Variants in MAP3K15 observed in about 807,000 individuals in gnomAD.
The protein encoded by MAP3K15 is MAPK/ERK kinase kinase 15.
Under a neutral mutation model 99.5 loss-of-function variants are expected in MAP3K15, and 124 were observed. That is an observed-to-expected ratio of 1.25 (90% confidence interval 1.08 to 1.45). The LOEUF (loss-of-function observed/expected upper bound fraction) is 1.45. Ranked by LOEUF, MAP3K15 falls within the 40% of genes most tolerant of loss-of-function variation. The pLI is 0.00. For synonymous variants in MAP3K15, 494 were observed against 439.6 expected, an observed-to-expected ratio of 1.12 and a Z score of -1.55; for missense variants, 1,242 against 1,079.7, an observed-to-expected ratio of 1.15 and a Z score of -2.11.
intron 6 of MAP3K15, among the ~76,000 whole-genome samples, chrX:19,442,155 C>T (rs2063963830): frequency 9.0e-6 from 1 of 111,207 alleles, no homozygotes; most frequent in Admixed American, 9.6e-5. Context: ...CCTTTTTTAG[C>T]AGACACCAGG....
intron 3 of MAP3K15, among the ~76,000 whole-genome samples, chrX:19,473,147 A>G (rs944417435): frequency 2.7e-5 from 3 of 112,237 alleles, no homozygotes; most frequent in African/African-American, 9.7e-5. Flanking sequence ...AACAGGACTG[A>G]GGAGACAGCA....
chrX:19,394,585 T>G (rs902145203), intron 16 of MAP3K15, among the ~76,000 whole-genome samples: 3 of 110,980 alleles, frequency 2.7e-5, no homozygotes, highest in Non-Finnish European at 3.8e-5. Flanking sequence ...ACTTTTAACA[T>G]CTATGTTCCC....
intron 9 of MAP3K15, among the ~76,000 whole-genome samples, chrX:19,424,330 A>G (rs1210633629): frequency 1.8e-5 from 2 of 108,181 alleles, no homozygotes; most frequent in Non-Finnish European, 3.8e-5. Flanking sequence ...ATATATATAT[A>G]TATTTTTTTA....
intron 19 of MAP3K15, 124 bp from the exon 20 acceptor site, chrX:19,374,784 G>GCAACGTCACGTTCTTGTTC: frequency 1.7e-6 from 1 of 574,300 alleles, no homozygotes; most frequent in Non-Finnish European, 2.7e-6. Context: ...ATGCCCCCTT[G>GCAACGTCACGTTCTTGTTC]CAACGTCACG....
At chrX:19,377,535 C>T (rs1011665393) in intron 19 of MAP3K15, among the ~76,000 whole-genome samples, 3 of 109,956 alleles carry the variant, frequency 2.7e-5, no homozygotes, top group Non-Finnish European at 5.7e-5. Flanking sequence ...CAGAGTGAGA[C>T]TCTGTCAAAA....
In MAP3K15 at chrX:19,451,008, G is replaced by A. The variant is rs559526102; in HGVS notation, c.995+5905C>T. Among the ~76,000 whole-genome samples the A allele has an allele frequency of 2.7e-4, 30 of 109,195 alleles. 1 individual carries two copies. The highest frequency in any genetic ancestry group is 7.7e-4 in the Admixed American group (8 of 10,348). The allele number at this position is 109,195 out of a possible 115,157, so 94.8% of individuals were successfully genotyped here. On this transcript the variant is annotated intron_variant, in intron 6 of 28. Transcript: ENST00000338883. ...GATTAGATAAATGAGACATCCGGCC[G>A]GGTGCAGTGGCTCACGCCTGTAACC...
intron 1 of MAP3K15, 93 bp from the exon 2 acceptor site, chrX:19,489,060 T>G: frequency 1.2e-6 from 1 of 812,881 alleles, no homozygotes; most frequent in Non-Finnish European, 1.7e-6. Context: ...TATAGCAATG[T>G]GTATTTCTGT....
At chrX:19,467,909 A>C (rs2064179847) in intron 3 of MAP3K15, among the ~76,000 whole-genome samples, 1 of 111,571 alleles carries the variant, frequency 9.0e-6, no homozygotes, top group African/African-American at 3.3e-5. Flanking sequence ...CAGCTCCCTC[A>C]CAGAATGAAG....
rs773095109 is a variant in MAP3K15 at position 19,484,685 on chromosome X, T to C, written c.525+1797A>G. 6.2e-5 allele frequency among the ~76,000 whole-genome samples: 7 copies of C among 112,001 alleles called. No individual in the cohort carries two copies. The East Asian group carries it at 1.4e-3, about 22-fold the overall frequency. On this transcript the variant is annotated intron_variant, in intron 3 of 28. Transcript: ENST00000338883. Reference sequence around the variant, plus strand: ...AGGAATGGAGAAAGAAAACGAGTTGTCTTCCTTGCTCCTTGCCTCAACGTA... The same window carrying C: ...AGGAATGGAGAAAGAAAACGAGTTGCCTTCCTTGCTCCTTGCCTCAACGTA...
intron 6 of MAP3K15, among the ~76,000 whole-genome samples, chrX:19,451,788 G>T (rs2064040838): frequency 9.1e-6 from 1 of 110,165 alleles, no homozygotes; most frequent in Non-Finnish European, 1.9e-5. Flanking sequence ...AATATGCCAG[G>T]CATGGTGGTT....
intron 1 of MAP3K15, among the ~76,000 whole-genome samples, chrX:19,494,591 A>G (rs957644089): frequency 9.0e-6 from 1 of 111,704 alleles, no homozygotes; most frequent in Non-Finnish European, 1.9e-5. Context: ...GTTTAAAAGT[A>G]TCTGATTTCT....
In MAP3K15 at chrX:19,394,809, TTTTTTTTTTTTTTTTTTTTTTTTTTTA is replaced by T. The variant is rs1317239825; in HGVS notation, c.2194+245_2194+271del. ...TGTTGCTTTTTTTTTTTTTTTTTTT[TTTTTTTTTTTTTTTTTTTTTTTTTTTA>T]AAAAGAGTGATGGGTTTTGCTCTGT... On this transcript the variant is annotated intron_variant, in intron 16 of 28. Coordinates refer to ENST00000338883, the MANE Select transcript of MAP3K15 (RefSeq NM_001001671.4). Among the ~76,000 whole-genome samples the T allele has an allele frequency of 1.9e-3, 112 of 59,779 alleles. 2 individuals are homozygous for T. The highest frequency in any genetic ancestry group is 0.01 in the African/African-American group (106 of 10,497). 51.9% of individuals were successfully genotyped at this position (59,779 alleles called of 115,157 possible).
At chrX:19,398,092 C>T (rs373472993) in intron 15 of MAP3K15, 134 bp downstream of exon 15, 21 of 693,246 alleles carry the variant, frequency 3.0e-5, no homozygotes, top group Middle Eastern at 5.2e-4. Context: ...AAGATCACCC[C>T]TATTACAAGA....
At chrX:19,379,497 G>T (rs1408125862) in intron 19 of MAP3K15, among the ~76,000 whole-genome samples, 2 of 97,645 alleles carry the variant, frequency 2.0e-5, no homozygotes, top group Non-Finnish European at 4.0e-5. Flanking sequence ...ACCCAGGCGG[G>T]ACTGCAGTGG....
chrX:19,418,974 A>G (rs1232992243), intron 9 of MAP3K15, among the ~76,000 whole-genome samples: 1 of 111,880 alleles, frequency 8.9e-6, no homozygotes, highest in Non-Finnish European at 1.9e-5. Context: ...AATCCTTTAC[A>G]GACAAGCAAA....
At chrX:19,394,968 C>T (rs1000526945) in intron 16 of MAP3K15, 113 bp downstream of exon 16, 16 of 898,934 alleles carry the variant, frequency 1.8e-5, no homozygotes, top group East Asian at 3.6e-5. Context: ...GGACTACAGG[C>T]GCCCTACAGG....
rs371592301 is a variant in MAP3K15, at chrX:19,400,568, T to C, written c.1932+8A>G. The C allele has an allele frequency of 2.1e-5, 24 of 1,166,714 alleles. No individual in the cohort carries two copies. Among genetic ancestry groups the C allele is most frequent in the African/African-American group, 2.0e-4 (11 of 56,332 alleles). Reference sequence around the variant, plus strand: ...TGTTTTCCATATTCTAGATCGTCCATGACTCACCTCCAAGGTGTCTCCATC... The same window carrying C: ...TGTTTTCCATATTCTAGATCGTCCACGACTCACCTCCAAGGTGTCTCCATC... On this transcript the variant is annotated splice_region_variant and intron_variant, in intron 14 of 28. Coordinates refer to ENST00000338883, the MANE Select transcript of MAP3K15 (RefSeq NM_001001671.4).
At chrX:19,488,201 C>T (rs1172781529) in intron 2 of MAP3K15, among the ~76,000 whole-genome samples, 3 of 112,170 alleles carry the variant, frequency 2.7e-5, no homozygotes, top group Non-Finnish European at 5.6e-5. Context: ...TTCCACTATA[C>T]AAATGCAAGC....
intron 8 of MAP3K15, among the ~76,000 whole-genome samples, 178 bp downstream of exon 8, chrX:19,426,053 C>T (rs946528953): frequency 9.9e-5 from 11 of 111,055 alleles, no homozygotes; most frequent in South Asian, 3.8e-4. Flanking sequence ...ACTCGGGAGG[C>T]GGAGGTTGCA....
Sources: gnomAD v4.1 joint callset for allele counts (sites outside exome capture counted in the v4.1 genomes callset) on GRCh38, gnomAD v4.1.1 for gene constraint, MANE v1.5 for transcripts, NCBI Gene and HGNC (gene_info 2026-07-23, HGNC 2026-07-21) for gene names.